SLF2: variants seen among roughly 807,000 people sequenced by gnomAD.
The protein encoded by SLF2 is SMC5-SMC6 complex localization factor protein 2.
In SLF2, 68 loss-of-function variants were observed where a neutral mutation model predicts 124.3. That is an observed-to-expected ratio of 0.55 (90% confidence interval 0.45 to 0.67). SLF2 has a LOEUF of 0.67. SLF2 is among the 30% of genes least tolerant of loss of function. The pLI, the probability that SLF2 is intolerant of heterozygous loss-of-function variation, is 0.00. For missense variants in SLF2, 1,246 were observed against 1,373.7 expected (o/e 0.91, Z 1.47); for synonymous variants, 480 against 478.8 (o/e 1.00, Z -0.03).
chr10:100,937,910 TC>T, intron 10 of SLF2, among the ~76,000 whole-genome samples: 1 of 152,270 alleles, frequency 6.6e-6, no homozygotes, highest in South Asian at 2.1e-4. Flanking sequence ...TCACCCGACC[TC>T]AAAAGTCTTT....
chr10:100,915,268 CT>C (rs1277706074), intron 1 of SLF2, among the ~76,000 whole-genome samples: 12 of 152,088 alleles, frequency 7.9e-5, no homozygotes, highest in Non-Finnish European at 1.3e-4. Context: ...CTTAAGGATT[CT>C]TTGATAAAAA....
intron 1 of SLF2, among the ~76,000 whole-genome samples, chr10:100,914,473 G>A (rs1460641488): frequency 1.3e-5 from 2 of 152,094 alleles, no homozygotes; most frequent in Non-Finnish European, 2.9e-5. Context: ...AATCAAAAAG[G>A]AGTCTGAGGT....
At chr10:100,918,339 T>C (rs756070598) in intron 3 of SLF2, 45 bp from the exon 4 acceptor site, 1 of 1,283,532 alleles carries the variant, frequency 7.8e-7, no homozygotes, top group Non-Finnish European at 1.1e-6. Flanking sequence ...TCACATTCTT[T>C]ACTGTCCCCA....
chr10:100,946,171 G>GT (rs1850100104), intron 13 of SLF2, among the ~76,000 whole-genome samples: 1 of 151,996 alleles, frequency 6.6e-6, no homozygotes, highest in Non-Finnish European at 1.5e-5. Flanking sequence ...AAATTCCTAA[G>GT]TATCACTTTG....
At chr10:100,959,825 GTTT>G (rs1850396881) in intron 19 of SLF2, among the ~76,000 whole-genome samples, 1 of 152,142 alleles carries the variant, frequency 6.6e-6, no homozygotes, top group South Asian at 2.1e-4. Context: ...GTGTACAGTG[GTTT>G]TTATTACATT....
At chr10:100,918,573 G>A in intron 4 of SLF2, 132 bp downstream of exon 4, 1 of 598,412 alleles carries the variant, frequency 1.7e-6, no homozygotes, top group Non-Finnish European at 2.9e-6. Context: ...TTAATTAAGA[G>A]TTTGGTAAGA....
intron 4 of SLF2, among the ~76,000 whole-genome samples, chr10:100,921,629 T>C (rs529540444): frequency 6.6e-5 from 10 of 152,302 alleles, no homozygotes; most frequent in Admixed American, 3.9e-4. Context: ...AGCTGACTTA[T>C]CCTAAACATC....
At chr10:100,919,263 G>T (rs912436941) in intron 4 of SLF2, among the ~76,000 whole-genome samples, 4 of 151,726 alleles carry the variant, frequency 2.6e-5, no homozygotes, top group Admixed American at 6.6e-5. Context: ...TGCCCACCTC[G>T]GCCTCCCAAA....
chr10:100,915,386 T>C (rs1376075802), intron 1 of SLF2, among the ~76,000 whole-genome samples: 1 of 152,168 alleles, frequency 6.6e-6, no homozygotes, highest in Non-Finnish European at 1.5e-5. Context: ...ATTTTTCTTT[T>C]CTGCCCTTGT....
intron 4 of SLF2, among the ~76,000 whole-genome samples, chr10:100,920,187 A>G (rs1235684604): frequency 6.6e-6 from 1 of 152,126 alleles, no homozygotes; most frequent in Non-Finnish European, 1.5e-5. Flanking sequence ...CATTTTTAAT[A>G]CTAAATACAT....
intron 12 of SLF2, among the ~76,000 whole-genome samples, chr10:100,944,709 C>G (rs912796690): frequency 3.3e-5 from 5 of 151,968 alleles, no homozygotes; most frequent in African/African-American, 1.2e-4. Flanking sequence ...AAAAGACTTA[C>G]AATACAACTT....
rs11317743 is a variant in SLF2, at chr10:100,954,093, C to CAAA, written c.3331-2346_3331-2344dup. 1.0e-3 allele frequency among the ~76,000 whole-genome samples: 149 copies of CAAA among 145,116 alleles called. No homozygotes were observed. In the Middle Eastern group the frequency reaches 0.018, roughly 17 times the overall value. ...GCAACAGAGCAGCATGCCATCTTTA[C>CAAA]AAAAAAAAAAAAAATTAACCGGGCA... On this transcript the variant is annotated intron_variant, in intron 17 of 19. Coordinates refer to ENST00000238961, the MANE Select transcript of SLF2 (RefSeq NM_018121.4).
intron 11 of SLF2, among the ~76,000 whole-genome samples, chr10:100,940,516 C>A (rs761919998): frequency 2.6e-5 from 4 of 152,112 alleles, no homozygotes; most frequent in Admixed American, 6.6e-5. Context: ...CTCACCACCA[C>A]GCCCAGCTAA....
rs1421209637 is a variant in SLF2, at chr10:100,916,817, CA to C, written c.435del (p.Gly146GlufsTer16). On this transcript the variant is annotated frameshift_variant, in exon 3 of 20. Transcript: ENST00000238961. LOFTEE classifies it high-confidence loss of function. Reference sequence around the variant, plus strand: ...TGTCACTAGCCTCCAAATATTTAGCCAAAGGAACAAATATCTATGTTCCTTC... The same window carrying C: ...TGTCACTAGCCTCCAAATATTTAGCCAAGGAACAAATATCTATGTTCCTTC... The part of the protein sequence containing the change: ...CLSLASKYLA[K>X]GTNIYVPSSY... 5 of 1,613,894 alleles carry C rather than the reference CA, an allele frequency of 3.1e-6. No homozygotes were observed. Among genetic ancestry groups the C allele is most frequent in the Non-Finnish European group, 4.2e-6 (5 of 1,180,000 alleles).
In SLF2 at chr10:100,947,856, A is replaced by G; in HGVS notation, c.3120+9A>G. 1 of 1,596,508 alleles carries G rather than the reference A, an allele frequency of 6.3e-7. No homozygotes were observed. The highest frequency in any genetic ancestry group is 8.6e-7 in the Non-Finnish European group (1 of 1,166,844). On this transcript the variant is annotated intron_variant, in intron 15 of 19. Transcript: ENST00000238961. The stretch of plus-strand genomic sequence containing the variant: ...ATGCCAGTAATCTGCAGGTATAAAT[A>G]AATACATTTTTATTTTTAATAAATG...
At chr10:100,917,802 C>A (rs1589941605) in intron 3 of SLF2, among the ~76,000 whole-genome samples, 1 of 152,206 alleles carries the variant, frequency 6.6e-6, no homozygotes, top group Admixed American at 6.5e-5. Flanking sequence ...GCCTTGAACC[C>A]CTGGCCTCAA....
intron 4 of SLF2, among the ~76,000 whole-genome samples, chr10:100,919,162 C>A (rs1849480436): frequency 1.3e-5 from 2 of 151,960 alleles, no homozygotes; most frequent in Admixed American, 6.6e-5. Context: ...CAGGCGCCCA[C>A]CACCATGCCC....
intron 15 of SLF2, 24 bp from the exon 16 acceptor site, chr10:100,950,052 A>T (rs372937389): frequency 6.5e-7 from 1 of 1,542,512 alleles, no homozygotes; most frequent in Non-Finnish European, 8.8e-7. Context: ...AGCTTTGTTC[A>T]ATGTCTCCTC....
intron 15 of SLF2, among the ~76,000 whole-genome samples, chr10:100,949,798 G>A (rs1564783441): frequency 2.0e-5 from 3 of 151,946 alleles, no homozygotes; most frequent in Admixed American, 1.3e-4. Flanking sequence ...GTTTCTCCAC[G>A]TTGGCCAGGC....
Sources: allele counts gnomAD v4.1 joint callset (sites outside exome capture counted in the v4.1 genomes callset), GRCh38; gene constraint gnomAD v4.1.1; transcripts MANE v1.5; gene names NCBI Gene and HGNC (gene_info 2026-07-23, HGNC 2026-07-21).